The following CFAP77 variants were observed in gnomAD, a reference collection of about 807,000 sequenced individuals.
CFAP77 encodes cilia and flagella associated protein 77.
CFAP77 carries 25 observed loss-of-function variants against 31.1 expected under a neutral mutation model. The observed-to-expected ratio is 0.80, with a 90% confidence interval of 0.59 to 1.12. The LOEUF (loss-of-function observed/expected upper bound fraction) is 1.12. Among genes scored for constraint, CFAP77 ranks in the 50% most tolerant of loss-of-function variants. The pLI is 0.00. For synonymous variants in CFAP77, 151 were observed against 159.9 expected (o/e 0.94, Z 0.42); for missense variants, 377 against 397.3 (o/e 0.95, Z 0.44).
At chr9:132,462,948 G>A (rs1170088780) in intron 1 of CFAP77, among the ~76,000 whole-genome samples, 1 of 152,288 alleles carries the variant, frequency 6.6e-6, no homozygotes, top group Non-Finnish European at 1.5e-5. Context: ...CAGGTCCAAG[G>A]CCTGGCACAT....
At chr9:132,414,065 T>G (rs1196999084) in intron 1 of CFAP77, among the ~76,000 whole-genome samples, 1 of 152,228 alleles carries the variant, frequency 6.6e-6, no homozygotes, top group Non-Finnish European at 1.5e-5. Flanking sequence ...GACTAAGGTC[T>G]CCTGGCTTCC....
In CFAP77 at chr9:132,564,158, A is replaced by G. The variant is rs558120501; in HGVS notation, c.733-8230A>G. On this transcript the variant is annotated intron_variant, in intron 5 of 5. Coordinates refer to ENST00000393216, the MANE Select transcript of CFAP77 (RefSeq NM_001282957.2). The surrounding 1 kb of genome is among the most constrained non-coding windows in gnomAD (Gnocchi z 4.6). ...TCACTCTATCTCAGGGACTAGCCCC[A>G]TCTCTGATACACAATGGATGGTCAA... 7.2e-5 allele frequency among the ~76,000 whole-genome samples: 11 copies of G among 152,320 alleles called. No individual in the cohort carries two copies. The highest frequency in any genetic ancestry group is 7.2e-4 in the Admixed American group (11 of 15,302).
At chr9:132,462,988 G>A (rs1054546397) in intron 1 of CFAP77, among the ~76,000 whole-genome samples, 13 of 152,184 alleles carry the variant, frequency 8.5e-5, no homozygotes, top group African/African-American at 2.9e-4. Flanking sequence ...ATAGATGTGT[G>A]TATTATTGCG....
rs374723163 is a variant in CFAP77 at position 132,475,368 on chromosome 9, T to C, written c.196-23327T>C. Among the ~76,000 whole-genome samples the C allele has an allele frequency of 3.9e-5, 6 of 152,320 alleles. No homozygotes were observed. In the East Asian group the frequency reaches 1.2e-3, roughly 29 times the overall value. ...GAGCAGATGTTGAATTCTTGCTTTC[T>C]ATGGCTGCATCTACCACTAGGCCCC... On this transcript the variant is annotated intron_variant, in intron 1 of 5. Transcript: ENST00000393216.
At position 132,464,318 on chromosome 9, in the gene CFAP77, G is replaced by A. The variant is rs57936807; in HGVS notation, c.196-34377G>A. On this transcript the variant is annotated intron_variant, in intron 1 of 5. Transcript: ENST00000393216. ...TCCCAGCATCTCCCATTTTACAAGC[G>A]AGGATACCAAGTCTTGGAGAGGTGA... 5.3e-3 allele frequency among the ~76,000 whole-genome samples: 801 copies of A among 152,032 alleles called. 18 individuals are homozygous for A. In the East Asian group the frequency reaches 0.07, roughly 13 times the overall value.
intron 1 of CFAP77, among the ~76,000 whole-genome samples, chr9:132,485,730 G>A (rs867162584): frequency 1.3e-5 from 2 of 151,784 alleles, no homozygotes; most frequent in Middle Eastern, 3.2e-3. Flanking sequence ...CCATCGCGGC[G>A]GTGAGCTTCA....
intron 1 of CFAP77, among the ~76,000 whole-genome samples, chr9:132,457,745 T>C (rs775008608): frequency 1.3e-5 from 2 of 152,128 alleles, no homozygotes; most frequent in Non-Finnish European, 2.9e-5. Context: ...CCTCCGGCAG[T>C]CGAAAACAAA....
chr9:132,551,826 A>G (rs1347113217), intron 5 of CFAP77, among the ~76,000 whole-genome samples: 2 of 152,184 alleles, frequency 1.3e-5, no homozygotes, highest in East Asian at 3.9e-4. Flanking sequence ...AAAGACTTGC[A>G]ACTGAGGTCG....
chr9:132,535,560 A>G (rs2119050395), intron 3 of CFAP77, among the ~76,000 whole-genome samples: 1 of 152,222 alleles, frequency 6.6e-6, no homozygotes, highest in East Asian at 1.9e-4. Flanking sequence ...AAAGATACAA[A>G]AAATTAGCTG....
chr9:132,551,477 G>C (rs767127944), intron 5 of CFAP77, among the ~76,000 whole-genome samples: 24 of 152,016 alleles, frequency 1.6e-4, no homozygotes, highest in Non-Finnish European at 2.9e-4. Flanking sequence ...TGTATTTTTA[G>C]TAGAGACAGG....
chr9:132,426,985 A>G (rs1850328808), intron 1 of CFAP77, among the ~76,000 whole-genome samples: 1 of 152,212 alleles, frequency 6.6e-6, no homozygotes, highest in African/African-American at 2.4e-5. Context: ...AAATGACACC[A>G]TCTAAATCAG....
At chr9:132,525,329 T>C (rs933663872) in intron 3 of CFAP77, among the ~76,000 whole-genome samples, 5 of 152,208 alleles carry the variant, frequency 3.3e-5, no homozygotes, top group Non-Finnish European at 5.9e-5. Flanking sequence ...CCCAGTATGA[T>C]AGTAATTTTA....
chr9:132,470,926 C>T (rs184238744), intron 1 of CFAP77, among the ~76,000 whole-genome samples: 73 of 152,264 alleles, frequency 4.8e-4, no homozygotes, highest in Admixed American at 1.7e-3. Context: ...TGCAGTGAGC[C>T]AAGATCGGGC....
chr9:132,461,785 C>T (rs938930433), intron 1 of CFAP77, among the ~76,000 whole-genome samples: 2 of 152,228 alleles, frequency 1.3e-5, no homozygotes, highest in African/African-American at 4.8e-5. Context: ...TTGTTAAAGA[C>T]AGACAGGCTT....
At chr9:132,465,365 A>G (rs950492632) in intron 1 of CFAP77, among the ~76,000 whole-genome samples, 2 of 152,190 alleles carry the variant, frequency 1.3e-5, no homozygotes, top group African/African-American at 4.8e-5. Context: ...AACAAAAATA[A>G]AAAATAAGAA....
At chr9:132,513,465 C>A (rs1247956495) in intron 3 of CFAP77, 1 of 1,311,302 alleles carries the variant, frequency 7.6e-7, no homozygotes, top group Non-Finnish European at 1.0e-6. Context: ...CCCTGAGGAC[C>A]CTCCCGAGGT....
chr9:132,529,590 G>A (rs1230106618), intron 3 of CFAP77, among the ~76,000 whole-genome samples: 4 of 151,584 alleles, frequency 2.6e-5, no homozygotes, highest in African/African-American at 7.3e-5. Context: ...ATTTTGGGAG[G>A]CCGAGGCGGA....
Position 132,543,059 on chromosome 9 carries a change from C to A in CFAP77, c.732+12C>A. The A allele has an allele frequency of 6.2e-7, 1 of 1,607,986 alleles. No homozygotes were observed. The highest frequency in any genetic ancestry group is 8.5e-7 in the Non-Finnish European group (1 of 1,174,388). On this transcript the variant is annotated intron_variant, in intron 5 of 5. Coordinates refer to ENST00000393216, the MANE Select transcript of CFAP77 (RefSeq NM_001282957.2). ...CTCACTTCCAGAAGGTCAGTGTCAC[C>A]TTCATCCACACCCCTCCCTGCACCT...
chr9:132,555,873 C>G (rs1273591932), intron 5 of CFAP77, among the ~76,000 whole-genome samples: 1 of 152,062 alleles, frequency 6.6e-6, no homozygotes. Context: ...TGAGATCTGG[C>G]AAGTGCCAAT....
Sources: allele counts gnomAD v4.1 joint callset (sites outside exome capture counted in the v4.1 genomes callset), GRCh38; gene constraint gnomAD v4.1.1; non-coding constraint Gnocchi (gnomAD v3.1); transcripts MANE v1.5; gene names NCBI Gene and HGNC (gene_info 2026-07-23, HGNC 2026-07-21).